The following NFAT5 variants were observed in gnomAD, a reference collection of about 807,000 sequenced individuals.
NFAT5 encodes nuclear factor of activated T cells 5.
In NFAT5, 31 loss-of-function variants were observed where a neutral mutation model predicts 166.5. The observed-to-expected ratio is 0.19, with a 90% CI of 0.14 to 0.25. NFAT5 has a LOEUF of 0.25. NFAT5 is among the 10% of genes least tolerant of loss of function. The probability of loss-of-function intolerance (pLI) is 1.00; values close to 1 mark genes in which losing one functional copy is unlikely to be tolerated. For synonymous variants in NFAT5, 612 were observed against 639.7 expected (o/e 0.96, Z 0.65); for missense variants, 1,449 against 1,821.8 (o/e 0.80, Z 3.72).
chr16:69,633,778 G>T (rs867876840), intron 3 of NFAT5, among the ~76,000 whole-genome samples: 26 of 152,200 alleles, frequency 1.7e-4, no homozygotes, highest in Middle Eastern at 6.8e-3. Context: ...ACCACTGTAG[G>T]ATGACTGTAG....
At chr16:69,659,658 T>A (rs1265690374) in intron 6 of NFAT5, 69 bp from the exon 7 acceptor site, 1 of 1,300,130 alleles carries the variant, frequency 7.7e-7, no homozygotes, top group Admixed American at 2.6e-5. Flanking sequence ...AAAAACAAAC[T>A]TGTTGATTAA....
intron 3 of NFAT5, among the ~76,000 whole-genome samples, chr16:69,635,625 A>T: frequency 6.6e-6 from 1 of 152,226 alleles, no homozygotes; most frequent in East Asian, 1.9e-4. Context: ...CCTCAGAATC[A>T]TGGCAGGAGG....
intron 2 of NFAT5, among the ~76,000 whole-genome samples, chr16:69,587,428 G>A (rs528639869): frequency 2.6e-4 from 39 of 151,698 alleles, no homozygotes; most frequent in Non-Finnish European, 4.3e-4. Flanking sequence ...TGGCTCTGTC[G>A]CCCAGGCTGT....
Position 69,646,977 on chromosome 16 carries a change from G to C in NFAT5, c.254-51G>C, listed in dbSNP as rs1449142069. The C allele has an allele frequency of 1.2e-5, 17 of 1,403,486 alleles. 1 individual carries two copies. In the South Asian group the frequency reaches 2.4e-4, roughly 20 times the overall value. 86.9% of individuals were successfully genotyped at this position (1,403,486 alleles called of 1,614,324 possible). A position where few individuals can be genotyped will look rare whatever the true frequency, so the allele number is the denominator to read the frequency against. On this transcript the variant is annotated intron_variant, in intron 3 of 14. Coordinates refer to ENST00000349945, the MANE Select transcript of NFAT5 (RefSeq NM_138713.4). ...ACATTTTCAATGGGACTGCTAGCCAGCATAGGTGAAAACATGTATAGTGTA... is the reference window on the plus strand; with the variant it reads ...ACATTTTCAATGGGACTGCTAGCCACCATAGGTGAAAACATGTATAGTGTA...
At chr16:69,689,355 C>T (rs1042696148) in intron 11 of NFAT5, among the ~76,000 whole-genome samples, 1 of 152,096 alleles carries the variant, frequency 6.6e-6, no homozygotes, top group African/African-American at 2.4e-5. Context: ...GTCCAAAGAA[C>T]TCATGAATAA....
chr16:69,639,032 C>G (rs1267489597), intron 3 of NFAT5, among the ~76,000 whole-genome samples: 1 of 152,098 alleles, frequency 6.6e-6, no homozygotes, highest in Non-Finnish European at 1.5e-5. Context: ...TAATTATTCC[C>G]TTTTGTGTTT....
At chr16:69,585,479 C>T (rs1362094295) in intron 2 of NFAT5, among the ~76,000 whole-genome samples, 2 of 151,888 alleles carry the variant, frequency 1.3e-5, no homozygotes, top group East Asian at 1.9e-4. Context: ...AGGTATATAC[C>T]CCCAATAATT....
intron 2 of NFAT5, among the ~76,000 whole-genome samples, chr16:69,571,129 TAAAAA>T (rs56221116): frequency 2.2e-4 from 7 of 31,380 alleles, no homozygotes; most frequent in Admixed American, 1.1e-3. Context: ...CCATCTCTAC[TAAAAA>T]AAAAAAAAAA....
In NFAT5 at chr16:69,693,030, G is replaced by A. The variant is rs2037614755; in HGVS notation, c.3205G>A (p.Glu1069Lys). The change falls in exon 13 of 15, where the codon GAG (glutamate) becomes AAG (lysine). Residue 1069 changes from glutamate to lysine, a missense_variant. Coordinates refer to ENST00000349945, the MANE Select transcript of NFAT5 (RefSeq NM_138713.4). ...TAATGGTTTATTCCAGCAAGGGAAT[G>A]AGATGATGTCACTTCAATCTGGAAA... ...QGNGLFQQGNEMMSLQSGNFL... is the reference protein window; with the variant it reads ...QGNGLFQQGNKMMSLQSGNFL... 6.2e-7 allele frequency: 1 copy of A among 1,614,054 alleles called. No individual in the cohort carries two copies. Among genetic ancestry groups the A allele is most frequent in the Non-Finnish European group, 8.5e-7 (1 of 1,180,018 alleles).
At chr16:69,674,760 A>G (rs1222111664) in intron 9 of NFAT5, among the ~76,000 whole-genome samples, 1 of 152,216 alleles carries the variant, frequency 6.6e-6, no homozygotes, top group Non-Finnish European at 1.5e-5. Context: ...GTGACAAAAT[A>G]AAAAGTATCT....
chr16:69,609,167 G>A (rs1450656084), intron 2 of NFAT5, among the ~76,000 whole-genome samples: 6 of 151,910 alleles, frequency 3.9e-5, no homozygotes, highest in African/African-American at 9.7e-5. Context: ...AGGTGGTTCA[G>A]GTCTTTGGTT....
At chr16:69,666,776 G>C (rs1435017320) in intron 7 of NFAT5, among the ~76,000 whole-genome samples, 1 of 151,742 alleles carries the variant, frequency 6.6e-6, no homozygotes, top group Admixed American at 6.6e-5. Flanking sequence ...ATTCCTCAGG[G>C]ATCTAGAACT....
intron 14 of NFAT5, chr16:69,695,690 A>C (rs1052117442): frequency 1.8e-5 from 3 of 163,044 alleles, no homozygotes; most frequent in African/African-American, 7.3e-5. Context: ...AAAAAATACA[A>C]AAAAAAAAAA....
intron 2 of NFAT5, among the ~76,000 whole-genome samples, chr16:69,574,691 C>T (rs1468089177): frequency 1.3e-5 from 2 of 148,628 alleles, no homozygotes; most frequent in South Asian, 2.1e-4. Flanking sequence ...GTTTTTGAAA[C>T]GGAGTCGTGC....
Position 69,695,636 on chromosome 16 carries a change from G to A in NFAT5, c.*8+257G>A, listed in dbSNP as rs1341906187. 7.1e-5 allele frequency: 21 copies of A among 294,738 alleles called. No individual in the cohort carries two copies. The South Asian group carries it at 1.3e-3, about 18-fold the overall frequency. The allele number at this position is 294,738 out of a possible 1,614,324, so 18.3% of individuals were successfully genotyped here. A position where few individuals can be genotyped will look rare whatever the true frequency, so the allele number is the denominator to read the frequency against. ...AGGTGGGCGGATCACGAGGTCAGGC[G>A]ATCGAGACCATCCTGGCTAACATGG... On this transcript the variant is annotated intron_variant, in intron 14 of 14. Transcript: ENST00000349945.
chr16:69,613,352 C>T (rs1397971154), intron 2 of NFAT5, among the ~76,000 whole-genome samples: 1 of 152,160 alleles, frequency 6.6e-6, no homozygotes, highest in Non-Finnish European at 1.5e-5. Context: ...TGATCTTCCT[C>T]AAATATATGT....
At chr16:69,604,709 C>T (rs972673204) in intron 2 of NFAT5, among the ~76,000 whole-genome samples, 2 of 152,174 alleles carry the variant, frequency 1.3e-5, no homozygotes, top group Non-Finnish European at 2.9e-5. Flanking sequence ...AAGGAAAATC[C>T]TGTGTCCATC....
Position 69,664,377 on chromosome 16 carries a change from G to C in NFAT5, c.1369+4478G>C, listed in dbSNP as rs570811570. On this transcript the variant is annotated intron_variant, in intron 7 of 14. Transcript: ENST00000349945. ...CCGGCTCACTGCAAGCTCCACCTCC[G>C]GGGTTCACACCATTCTCCTGCCTCA... 3.4e-4 allele frequency among the ~76,000 whole-genome samples: 52 copies of C among 152,096 alleles called. 1 individual carries two copies. Among genetic ancestry groups the C allele is most frequent in the Admixed American group, 1.2e-3 (18 of 15,284 alleles).
Position 69,647,827 on chromosome 16 carries a change from A to G in NFAT5, c.812+241A>G, listed in dbSNP as rs1023409804. On this transcript the variant is annotated intron_variant, in intron 4 of 14. Transcript: ENST00000349945. This position sits in a 1 kb window ranked among gnomAD's most constrained non-coding sequence, Gnocchi z 4.8. Reference sequence around the variant, plus strand: ...TATCAGTATAGTTAGGTAGTAGAAAATGAAAATAATCTGTTCTGAAATAAA... The same window carrying G: ...TATCAGTATAGTTAGGTAGTAGAAAGTGAAAATAATCTGTTCTGAAATAAA... 1.3e-5 allele frequency among the ~76,000 whole-genome samples: 2 copies of G among 152,132 alleles called. No individual in the cohort carries two copies. Among genetic ancestry groups the G allele is most frequent in the Non-Finnish European group, 2.9e-5 (2 of 68,024 alleles).
Sources: allele counts gnomAD v4.1 joint callset (sites outside exome capture counted in the v4.1 genomes callset), GRCh38; gene constraint gnomAD v4.1.1; non-coding constraint Gnocchi (gnomAD v3.1); transcripts MANE v1.5; gene names NCBI Gene and HGNC (gene_info 2026-07-23, HGNC 2026-07-21).